Variants in TUSC3 observed in about 807,000 individuals in gnomAD.
TUSC3 encodes the protein tumor suppressor candidate 3, also known as dolichyl-diphosphooligosaccharide--protein glycosyltransferase subunit TUSC3.
A neutral mutation model predicts 44.8 loss-of-function variants in TUSC3; 45 were observed. That is an observed-to-expected ratio of 1.00 (90% CI 0.79 to 1.29). TUSC3 has a LOEUF of 1.29. TUSC3 is among the 50% of genes most tolerant of loss of function. TUSC3 has a pLI of 0.00. For synonymous variants in TUSC3, 212 were observed against 152.9 expected, an observed-to-expected ratio of 1.39 and a Z score of -2.85; for missense variants, 519 against 437.9, an observed-to-expected ratio of 1.19 and a Z score of -1.65.
chr8:15,729,127 C>T (rs561875466), intron 6 of TUSC3, among the ~76,000 whole-genome samples: 6 of 152,214 alleles, frequency 3.9e-5, no homozygotes, highest in Admixed American at 1.3e-4. Flanking sequence ...TTGTGATCTT[C>T]AGAGAGGCAA....
chr8:15,703,493 T>C (rs1809489538), intron 6 of TUSC3, among the ~76,000 whole-genome samples: 1 of 152,108 alleles, frequency 6.6e-6, no homozygotes, highest in Admixed American at 6.6e-5. Context: ...CCTTGTTGTC[T>C]TTGGCCATTT....
At chr8:15,701,325 T>G (rs1469818965) in intron 6 of TUSC3, among the ~76,000 whole-genome samples, 1 of 152,168 alleles carries the variant, frequency 6.6e-6, no homozygotes, top group Non-Finnish European at 1.5e-5. Context: ...TGCCTATGCT[T>G]GAAGTTCCCA....
intron 3 of TUSC3, among the ~76,000 whole-genome samples, chr8:15,656,019 G>A (rs1807146597): frequency 6.6e-6 from 1 of 152,108 alleles, no homozygotes; most frequent in South Asian, 2.1e-4. Flanking sequence ...AGTTCATTTT[G>A]TTCTGCTACA....
In TUSC3 at chr8:15,737,329, A is replaced by G. The variant is rs1426052944; in HGVS notation, c.863-6209A>G. On this transcript the variant is annotated intron_variant, in intron 7 of 10. Transcript: ENST00000503731. ...TCTTGATTCCATTCCTAGTAGCAAC[A>G]GTAAACTTAGCATATGCAATTGAGA... 2.0e-5 allele frequency among the ~76,000 whole-genome samples: 3 copies of G among 152,292 alleles called. No individual in the cohort carries two copies. In the East Asian group the frequency reaches 5.8e-4, roughly 29 times the overall value.
intron 5 of TUSC3, among the ~76,000 whole-genome samples, chr8:15,670,088 A>G (rs140340700): frequency 6.6e-6 from 1 of 151,984 alleles, no homozygotes; most frequent in African/African-American, 2.4e-5. Flanking sequence ...AAAACTGAAA[A>G]ATCTATTCAA....
intron 5 of TUSC3, among the ~76,000 whole-genome samples, chr8:15,668,444 G>C (rs897842054): frequency 6.6e-6 from 1 of 151,606 alleles, no homozygotes; most frequent in African/African-American, 2.4e-5. Flanking sequence ...TGAAAGCTAC[G>C]TGTATCAAAA....
chr8:15,473,321 A>G (rs1366016736), intron 1 of TUSC3, among the ~76,000 whole-genome samples: 1 of 152,174 alleles, frequency 6.6e-6, no homozygotes, highest in South Asian at 2.1e-4. Flanking sequence ...CAACAAAAAA[A>G]TTTCAATTCT....
At chr8:15,786,546 A>G in the TUSC3 span, among the ~76,000 whole-genome samples, 1 of 152,206 alleles carries the variant, frequency 6.6e-6, no homozygotes, top group African/African-American at 2.4e-5. Context: ...TCAAGGATGC[A>G]GAATAGAGAA....
At chr8:15,836,022 T>C in the TUSC3 span, among the ~76,000 whole-genome samples, 3 of 152,174 alleles carry the variant, frequency 2.0e-5, no homozygotes, top group Non-Finnish European at 2.9e-5. Context: ...AGTAACTTTA[T>C]TTCAGTTTTT....
chr8:15,668,917 C>T (rs1009401869), intron 5 of TUSC3, among the ~76,000 whole-genome samples: 6 of 151,772 alleles, frequency 4.0e-5, no homozygotes, highest in Non-Finnish European at 7.4e-5. Flanking sequence ...TCTCGAGTCT[C>T]GGGATGTATG....
rs144808693 is a variant in TUSC3 at position 15,470,321 on chromosome 8, A to G, written n.92-13065A>G. On this transcript the variant is annotated intron_variant and non_coding_transcript_variant, in intron 1 of 5. Transcript: ENST00000503191. ...AAGGAGGGAAAGATGAATAGGTGGA[A>G]CAAAGAGGTTTTTAGGGCAATACAA... Among the ~76,000 whole-genome samples, 15 of 152,156 alleles carry G rather than the reference A, an allele frequency of 9.9e-5. No individual in the cohort carries two copies. The East Asian group carries it at 2.5e-3, about 26-fold the overall frequency.
At chr8:15,802,607 T>C in the TUSC3 span, among the ~76,000 whole-genome samples, 6 of 151,966 alleles carry the variant, frequency 3.9e-5, no homozygotes, top group African/African-American at 1.4e-4. Flanking sequence ...ATCCTCATTT[T>C]TCCTCAAGAG....
At chr8:15,482,747 A>G (rs1323115478) in intron 1 of TUSC3, among the ~76,000 whole-genome samples, 1 of 152,240 alleles carries the variant, frequency 6.6e-6, no homozygotes, top group Admixed American at 6.5e-5. Context: ...TATGTACAGA[A>G]TAATAGCAAA....
intron 2 of TUSC3, among the ~76,000 whole-genome samples, chr8:15,508,480 T>TG (rs1180808597): frequency 7.3e-6 from 1 of 137,286 alleles, no homozygotes; most frequent in Non-Finnish European, 1.5e-5. Flanking sequence ...TTTTTTTTTT[T>TG]GAGAAGGAGT....
intron 1 of TUSC3, among the ~76,000 whole-genome samples, chr8:15,480,671 C>G (rs901874691): frequency 6.6e-6 from 1 of 152,182 alleles, no homozygotes; most frequent in Non-Finnish European, 1.5e-5. Context: ...GTTTCCTCTT[C>G]ACAGTCCCTC....
At chr8:15,712,521 C>A (rs955137159) in intron 6 of TUSC3, among the ~76,000 whole-genome samples, 39 of 151,934 alleles carry the variant, frequency 2.6e-4, no homozygotes, top group Admixed American at 2.4e-3. Context: ...TTTATTAGAT[C>A]TCTTTTATGT....
At chr8:15,719,604 G>T (rs577817885) in intron 6 of TUSC3, among the ~76,000 whole-genome samples, 1 of 151,678 alleles carries the variant, frequency 6.6e-6, no homozygotes, top group Admixed American at 6.6e-5. Context: ...ACCTGCCTAG[G>T]AATGTAACTT....
chr8:15,487,397 A>G (rs1190714340), intron 2 of TUSC3, among the ~76,000 whole-genome samples: 1 of 152,128 alleles, frequency 6.6e-6, no homozygotes, highest in Admixed American at 6.5e-5. Flanking sequence ...TTCTGCCTCA[A>G]TCAGTTTCTT....
the TUSC3 span, among the ~76,000 whole-genome samples, chr8:15,824,903 T>C: frequency 5.9e-4 from 90 of 152,342 alleles, 2 homozygotes; most frequent in South Asian, 9.1e-3. Context: ...TCAGTATCTG[T>C]TGGTGAAATT....
Sources: allele counts gnomAD v4.1 joint callset (sites outside exome capture counted in the v4.1 genomes callset), GRCh38; gene constraint gnomAD v4.1.1; transcripts MANE v1.5; gene names NCBI Gene and HGNC (gene_info 2026-07-23, HGNC 2026-07-21).